AMOTL2: variants seen among roughly 807,000 people sequenced by gnomAD.
AMOTL2 encodes angiomotin-like protein 2.
A neutral mutation model predicts 78.4 loss-of-function variants in AMOTL2; 33 were observed. That is an observed-to-expected ratio of 0.42 (90% CI 0.32 to 0.56). The LOEUF (loss-of-function observed/expected upper bound fraction) is 0.56. AMOTL2 is among the 20% of genes least tolerant of loss of function. AMOTL2 has a pLI of 0.12. For synonymous variants in AMOTL2, 422 were observed against 428.8 expected (o/e 0.98, Z 0.20); for missense variants, 983 against 1,030.1 (o/e 0.95, Z 0.63).
At chr3:134,374,914 TGTGTGTGTGTGTGC>T (rs1179157425), upstream of AMOTL2, 44 of 1,275,712 alleles carry the variant, frequency 3.4e-5, no homozygotes, top group East Asian at 2.0e-4. Context: ...TGTGTGTGTG[TGTGTGTGTGTGTGC>T]GTGTGTGTGT....
In AMOTL2 at chr3:134,357,078, G is replaced by T. The variant is rs2017113538; in HGVS notation, c.*627C>A. 6.5e-6 allele frequency: 1 copy of T among 154,140 alleles called. No homozygotes were observed. The highest frequency in any genetic ancestry group is 6.4e-5 in the Admixed American group (1 of 15,672). 9.5% of individuals were successfully genotyped at this position (154,140 alleles called of 1,614,324 possible). A position where few individuals can be genotyped will look rare whatever the true frequency, so the allele number is the denominator to read the frequency against. ...GGGAATTATATACAAACTGCGCACT[G>T]TCTCCCAGTCCACTTAAATGGCCCC... On this transcript the variant is annotated 3_prime_UTR_variant, in exon 10 of 10. Transcript: ENST00000249883.
chr3:134,370,577 A>T (rs2017801895), intron 2 of AMOTL2, 123 bp downstream of exon 2: 1 of 1,251,380 alleles, frequency 8.0e-7, no homozygotes, highest in South Asian at 2.3e-5. Context: ...CTCCCTTCTC[A>T]GGTTGGAGGT....
intron 1 of AMOTL2, chr3:134,373,884 A>G (rs777449995): frequency 1.0e-6 from 1 of 961,780 alleles, no homozygotes; most frequent in Admixed American, 6.2e-5. Flanking sequence ...GTGGCTCCAG[A>G]GAGGATTTTC....
At chr3:134,374,215 C>T (rs2017997739) in intron 1 of AMOTL2, 127 bp downstream of exon 1, 1 of 984,494 alleles carries the variant, frequency 1.0e-6, no homozygotes. Flanking sequence ...CACTGCGCCC[C>T]GAGGACGCTC....
chr3:134,369,866 C>G (rs949080022), intron 2 of AMOTL2, among the ~76,000 whole-genome samples: 4 of 152,186 alleles, frequency 2.6e-5, no homozygotes, highest in African/African-American at 9.7e-5. Context: ...AAGCGTGAGG[C>G]AGGGCCTTGT....
chr3:134,358,690 C>T lies in AMOTL2; in HGVS notation c.2134G>A (p.Val712Ile). 2 of 1,614,148 alleles carry T rather than the reference C, an allele frequency of 1.2e-6. No homozygotes were observed. The highest frequency in any genetic ancestry group is 1.1e-5 in the South Asian group (1 of 91,070). The change falls in exon 9 of 10, where the codon GTC becomes ATC. Residue 712 changes from valine to isoleucine, a missense_variant. Coordinates refer to ENST00000249883, the MANE Select transcript of AMOTL2 (RefSeq NM_016201.4). ...ADRAPTEEPV[V>I]TAPPAAHAKH... is the part of the protein sequence containing the mutation. ...GCATGGGCAGCAGGGGGAGCTGTGA[C>T]CACTGGCTCCTCTGTGGGTGCTCTG...
upstream of AMOTL2, chr3:134,375,034 A>C: frequency 6.9e-7 from 1 of 1,447,120 alleles, no homozygotes; most frequent in South Asian, 1.4e-5. Context: ...TTCCAGCCAC[A>C]GAGCCTCTTT....
At position 134,356,096 on chromosome 3, in the gene AMOTL2, G is replaced by T. The variant is rs1559792426; in HGVS notation, c.*1609C>A. On this transcript the variant is annotated 3_prime_UTR_variant, in exon 10 of 10. Transcript: ENST00000249883. ...ATATTAATCCAAAATATATTAAGTT[G>T]TTTTTTTTCTTTCACAATATTTTTT... 1 of 151,970 alleles carries T rather than the reference G, an allele frequency of 6.6e-6. No individual in the cohort carries two copies. 9.4% of individuals were successfully genotyped at this position (151,970 alleles called of 1,614,324 possible).
At position 134,356,930 on chromosome 3, in the gene AMOTL2, TGAG is replaced by T. The variant is rs1252668911; in HGVS notation, c.*772_*774del. On this transcript the variant is annotated 3_prime_UTR_variant, in exon 10 of 10. Coordinates refer to ENST00000249883, the MANE Select transcript of AMOTL2 (RefSeq NM_016201.4). ...CTTTAACATCCACGGGCCAGGAACT[TGAG>T]GAGGAGGCATAACTGGGAGGCCAGT... 1 of 152,450 alleles carries T rather than the reference TGAG, an allele frequency of 6.6e-6. No homozygotes were observed. The highest frequency in any genetic ancestry group is 1.5e-5 in the Non-Finnish European group (1 of 68,138). The allele number at this position is 152,450 out of a possible 1,614,324, so 9.4% of individuals were successfully genotyped here. A position where few individuals can be genotyped will look rare whatever the true frequency, so the allele number is the denominator to read the frequency against.
chr3:134,371,398 C>T lies in AMOTL2; in HGVS notation c.36G>A (p.Leu12=), dbSNP rs1384664637. 1 of 1,606,422 alleles carries T rather than the reference C, an allele frequency of 6.2e-7. No individual in the cohort carries two copies. ...RTLEDSSGTV[L]HRLIQEQLRY... is the part of the protein sequence containing the mutation. ...GCAGCTGCTCCTGGATGAGGCGGTG[C>T]AGGACTGTCCCCGAGGAGTCTTCCA... Residue 12 remains leucine, a synonymous_variant, in exon 2 of 10, where the codon CTG becomes CTA. Coordinates refer to ENST00000249883, the MANE Select transcript of AMOTL2 (RefSeq NM_016201.4).
chr3:134,359,018 G>A (rs2017212935), intron 8 of AMOTL2, among the ~76,000 whole-genome samples: 1 of 152,172 alleles, frequency 6.6e-6, no homozygotes, highest in Non-Finnish European at 1.5e-5. Flanking sequence ...ATCTGCACAG[G>A]AAGCTCTATT....
chr3:134,375,369 C>T (rs2018046426), upstream of AMOTL2: 8 of 894,728 alleles, frequency 8.9e-6, no homozygotes, highest in Non-Finnish European at 1.4e-5. Context: ...AATGAGGACA[C>T]CAGGGCTCAG....
chr3:134,364,725 A>C (rs1214918174), intron 5 of AMOTL2, among the ~76,000 whole-genome samples: 4 of 151,870 alleles, frequency 2.6e-5, no homozygotes, highest in Admixed American at 1.3e-4. Flanking sequence ...AGCCAGAGCT[A>C]AGTCCTCAAG....
At chr3:134,369,685 A>C (rs181694574) in intron 2 of AMOTL2, among the ~76,000 whole-genome samples, 1 of 152,332 alleles carries the variant, frequency 6.6e-6, no homozygotes, top group East Asian at 1.9e-4. Context: ...GTGGGTGTTT[A>C]CTAAAGGAAC....
At position 134,356,982 on chromosome 3, in the gene AMOTL2, AG is replaced by A. The variant is rs1390962639; in HGVS notation, c.*722del. The A allele has an allele frequency of 6.5e-6, 1 of 152,714 alleles. No homozygotes were observed. Among genetic ancestry groups the A allele is most frequent in the Non-Finnish European group, 1.5e-5 (1 of 68,122 alleles). 9.5% of individuals were successfully genotyped at this position (152,714 alleles called of 1,614,324 possible). On this transcript the variant is annotated 3_prime_UTR_variant, in exon 10 of 10. Transcript: ENST00000249883. ...GTCAGAAGTTTCAGAAACTGACAGT[AG>A]GAAGAGGGGAGCACAGCCCATGGAG... is the stretch of plus-strand genomic sequence containing the variant.
upstream of AMOTL2, chr3:134,375,223 G>C: frequency 6.5e-7 from 1 of 1,535,716 alleles, no homozygotes; most frequent in East Asian, 2.4e-5. Flanking sequence ...GCTCTGTCCA[G>C]TTCTTCCCCA....
At chr3:134,367,012 C>T (rs541204124) in intron 3 of AMOTL2, among the ~76,000 whole-genome samples, 1 of 152,294 alleles carries the variant, frequency 6.6e-6, no homozygotes, top group South Asian at 2.1e-4. Flanking sequence ...GCCCCGGCTG[C>T]TCCTCCCACT....
upstream of AMOTL2, chr3:134,375,041 C>CT: frequency 1.4e-6 from 2 of 1,452,736 alleles, no homozygotes; most frequent in African/African-American, 2.8e-5. Context: ...CACAGAGCCT[C>CT]TTTCCCCTAA....
At chr3:134,370,594 G>A (rs1450058500) in intron 2 of AMOTL2, 106 bp downstream of exon 2, 1 of 1,388,114 alleles carries the variant, frequency 7.2e-7, no homozygotes, top group Non-Finnish European at 9.5e-7. Context: ...AGGTGGGGTG[G>A]ATCTTGCTAG....
Sources: allele counts gnomAD v4.1 joint callset (sites outside exome capture counted in the v4.1 genomes callset), GRCh38; gene constraint gnomAD v4.1.1; transcripts MANE v1.5; gene names NCBI Gene and HGNC (gene_info 2026-07-23, HGNC 2026-07-21).